The following ERC2 variants were observed in gnomAD, a reference collection of about 807,000 sequenced individuals.
ERC2 encodes ELKS/RAB6-interacting/CAST family member 2, also known as ERC protein 2.
ERC2 carries 42 observed loss-of-function variants against 114.8 expected under a neutral mutation model. That is an observed-to-expected ratio of 0.37 (90% CI 0.29 to 0.47). ERC2 has a LOEUF of 0.47. Among genes scored for constraint, ERC2 ranks in the 20% least tolerant of loss-of-function variants. The pLI, the probability that ERC2 is intolerant of heterozygous loss-of-function variation, is 0.99. For synonymous variants in ERC2, 454 were observed against 425.5 expected, an observed-to-expected ratio of 1.07 and a Z score of -0.82; for missense variants, 939 against 1,150.7, an observed-to-expected ratio of 0.82 and a Z score of 2.66.
chr3:55,979,930 G>A (rs768882072), intron 12 of ERC2, among the ~76,000 whole-genome samples: 12 of 151,552 alleles, frequency 7.9e-5, no homozygotes, highest in African/African-American at 1.9e-4. Flanking sequence ...GAAACAGAGC[G>A]AGACCCTATC....
intron 17 of ERC2, among the ~76,000 whole-genome samples, chr3:55,607,327 A>G (rs2058681683): frequency 6.6e-6 from 1 of 152,150 alleles, no homozygotes; most frequent in African/African-American, 2.4e-5. Flanking sequence ...GGAAGAAGTG[A>G]CATGTAACGC....
intron 17 of ERC2, among the ~76,000 whole-genome samples, chr3:55,677,466 C>T (rs73071608): frequency 4.6e-5 from 7 of 152,166 alleles, no homozygotes; most frequent in Admixed American, 4.6e-4. Flanking sequence ...ATACAGTACA[C>T]TTTCCTGAGC....
chr3:56,119,611 C>A (rs1214424889), intron 6 of ERC2, among the ~76,000 whole-genome samples: 1 of 152,212 alleles, frequency 6.6e-6, no homozygotes, highest in East Asian at 1.9e-4. Flanking sequence ...TGATTAATAT[C>A]TTTCTCTTCC....
chr3:56,075,694 G>A (rs981817884), intron 7 of ERC2, among the ~76,000 whole-genome samples: 2 of 152,104 alleles, frequency 1.3e-5, no homozygotes, highest in Non-Finnish European at 2.9e-5. Flanking sequence ...GACCTACAGT[G>A]GTGACTGACT....
intron 14 of ERC2, among the ~76,000 whole-genome samples, chr3:55,748,838 C>A (rs751769442): frequency 7.9e-5 from 12 of 152,078 alleles, no homozygotes; most frequent in Non-Finnish European, 1.5e-4. Flanking sequence ...CCGAATAATA[C>A]GAAGTTCAAG....
chr3:55,921,761 AATC>A, intron 13 of ERC2, among the ~76,000 whole-genome samples: 2 of 152,240 alleles, frequency 1.3e-5, no homozygotes, highest in South Asian at 4.1e-4. Context: ...ATAACTGAAA[AATC>A]ATGTTTTCTA....
At chr3:56,288,631 G>A (rs543279177) in intron 3 of ERC2, among the ~76,000 whole-genome samples, 11 of 152,316 alleles carry the variant, frequency 7.2e-5, no homozygotes, top group Admixed American at 6.5e-5. Context: ...TTTATTTTCC[G>A]TGTCATCAGA....
intron 7 of ERC2, among the ~76,000 whole-genome samples, chr3:56,046,548 A>C (rs2075472047): frequency 6.6e-6 from 1 of 152,238 alleles, no homozygotes; most frequent in Non-Finnish European, 1.5e-5. Context: ...GCCTATCTTC[A>C]CTTAGAACCC....
intron 17 of ERC2, among the ~76,000 whole-genome samples, chr3:55,552,132 G>A (rs1430660072): frequency 3.3e-5 from 5 of 152,170 alleles, no homozygotes; most frequent in African/African-American, 1.2e-4. Context: ...GTGCAGAGAG[G>A]AGGCTTCCTG....
intron 15 of ERC2, among the ~76,000 whole-genome samples, chr3:55,721,997 G>T (rs1168600889): frequency 6.6e-6 from 1 of 152,178 alleles, no homozygotes; most frequent in African/African-American, 2.4e-5. Flanking sequence ...TTTCTGGGGC[G>T]TAAGAACAGC....
At chr3:55,640,848 C>G (rs753709305) in intron 17 of ERC2, among the ~76,000 whole-genome samples, 1 of 152,168 alleles carries the variant, frequency 6.6e-6, no homozygotes, top group African/African-American at 2.4e-5. Flanking sequence ...ATTTTTGTAA[C>G]AGTACTTTGA....
chr3:55,997,595 A>G (rs2071622767), intron 10 of ERC2, among the ~76,000 whole-genome samples: 1 of 149,238 alleles, frequency 6.7e-6, no homozygotes, highest in Non-Finnish European at 1.5e-5. Flanking sequence ...TGAAACATAC[A>G]TATTATTGTT....
intron 17 of ERC2, among the ~76,000 whole-genome samples, chr3:55,540,039 C>T (rs1055032901): frequency 6.0e-5 from 9 of 151,044 alleles, no homozygotes; most frequent in Admixed American, 5.9e-4. Context: ...ATACTGAGGC[C>T]TAGAGAGGAA....
intron 2 of ERC2, among the ~76,000 whole-genome samples, chr3:56,400,990 T>C (rs1177707134): frequency 1.3e-5 from 2 of 152,214 alleles, no homozygotes; most frequent in Non-Finnish European, 2.9e-5. Flanking sequence ...ACACCCTCTC[T>C]GGTTTGTTTT....
At chr3:55,527,627 T>G (rs143877827) in intron 17 of ERC2, among the ~76,000 whole-genome samples, 361 of 152,208 alleles carry the variant, frequency 2.4e-3, no homozygotes, top group African/African-American at 7.7e-3. Context: ...CACTTTTCAG[T>G]GATAAGTAGC....
intron 14 of ERC2, among the ~76,000 whole-genome samples, chr3:55,858,159 C>T (rs566335542): frequency 2.6e-5 from 4 of 151,990 alleles, no homozygotes; most frequent in African/African-American, 9.7e-5. Context: ...AGGAGACATA[C>T]GCTACTTAAA....
At chr3:55,987,784 C>T (rs1344661915) in intron 11 of ERC2, among the ~76,000 whole-genome samples, 1 of 152,012 alleles carries the variant, frequency 6.6e-6, no homozygotes, top group Non-Finnish European at 1.5e-5. Context: ...TCTCAGTGTC[C>T]AAATGTCTGG....
intron 2 of ERC2, among the ~76,000 whole-genome samples, chr3:56,336,829 G>A (rs1470762021): frequency 2.0e-5 from 3 of 152,016 alleles, no homozygotes; most frequent in Non-Finnish European, 4.4e-5. Flanking sequence ...GCTCAATGTG[G>A]ATTGTGCAGA....
chr3:55,979,396 A>G (rs972902404), intron 12 of ERC2, among the ~76,000 whole-genome samples: 4 of 152,210 alleles, frequency 2.6e-5, no homozygotes, highest in African/African-American at 7.2e-5. Context: ...TTGCCAAGCA[A>G]TTCTATGTAT....
Sources: gnomAD v4.1 joint callset for allele counts (sites outside exome capture counted in the v4.1 genomes callset) on GRCh38, gnomAD v4.1.1 for gene constraint, MANE v1.5 for transcripts, NCBI Gene and HGNC (gene_info 2026-07-23, HGNC 2026-07-21) for gene names.